VAV3: variants seen among roughly 807,000 people sequenced by gnomAD.
VAV3 encodes guanine nucleotide exchange factor VAV3.
In VAV3, 94 loss-of-function variants were observed where a neutral mutation model predicts 131.2. The ratio of observed to expected loss-of-function variants is 0.72; its 90% CI spans 0.61 to 0.85. The LOEUF (loss-of-function observed/expected upper bound fraction) is 0.85, where lower values mean the gene tolerates loss of function less well. Among genes scored for constraint, VAV3 ranks in the 40% least tolerant of loss-of-function variants. The pLI is 0.00. For synonymous variants in VAV3, 349 were observed against 342.0 expected (o/e 1.02, Z -0.22); for missense variants, 939 against 1,002.7 (o/e 0.94, Z 0.86).
At chr1:107,726,678 A>G (rs888745848) in intron 15 of VAV3, among the ~76,000 whole-genome samples, 19 of 152,364 alleles carry the variant, frequency 1.2e-4, no homozygotes, top group African/African-American at 4.6e-4. Context: ...GAATCAGCAT[A>G]GACTACCAAC....
At chr1:107,573,422 T>C (rs1649388586) in intron 26 of VAV3, 50 bp from the exon 27 acceptor site, 2 of 1,607,348 alleles carry the variant, frequency 1.2e-6, no homozygotes, top group Non-Finnish European at 1.7e-6. Flanking sequence ...TATCTGACAC[T>C]TCAAAGGATT....
intron 19 of VAV3, among the ~76,000 whole-genome samples, chr1:107,666,908 T>C (rs1444070415): frequency 6.6e-6 from 1 of 152,180 alleles, no homozygotes; most frequent in Non-Finnish European, 1.5e-5. Context: ...TGGTAAATAG[T>C]GAAGACTGCA....
intron 19 of VAV3, among the ~76,000 whole-genome samples, chr1:107,672,735 G>GA (rs1167558940): frequency 1.3e-5 from 2 of 151,840 alleles, no homozygotes; most frequent in Non-Finnish European, 2.9e-5. Context: ...ATAATTCTCA[G>GA]AAAAAAATAC....
At chr1:107,594,347 T>TACATA (rs1651201410) in intron 25 of VAV3, among the ~76,000 whole-genome samples, 1 of 152,122 alleles carries the variant, frequency 6.6e-6, no homozygotes, top group African/African-American at 2.4e-5. Flanking sequence ...GTGTTTAATA[T>TACATA]ATATCTGTTT....
intron 15 of VAV3, among the ~76,000 whole-genome samples, chr1:107,710,436 C>A (rs549056755): frequency 6.6e-6 from 1 of 152,252 alleles, no homozygotes; most frequent in East Asian, 1.9e-4. Flanking sequence ...AATGTATTCA[C>A]ACACATAGCT....
At chr1:107,781,796 A>C (rs1047519759) in intron 2 of VAV3, among the ~76,000 whole-genome samples, 2 of 152,224 alleles carry the variant, frequency 1.3e-5, no homozygotes, top group African/African-American at 4.8e-5. Context: ...AACCAATCAG[A>C]TAAAACTTGA....
intron 2 of VAV3, among the ~76,000 whole-genome samples, chr1:107,832,868 T>C (rs1038174402): frequency 6.6e-6 from 1 of 152,236 alleles, no homozygotes; most frequent in Non-Finnish European, 1.5e-5. Context: ...ACATTGTTAA[T>C]TGAATGCATT....
chr1:107,803,709 A>T (rs1666931346), intron 2 of VAV3, among the ~76,000 whole-genome samples: 1 of 152,250 alleles, frequency 6.6e-6, no homozygotes, highest in East Asian at 1.9e-4. Flanking sequence ...TAATGAAAAT[A>T]ATGTGTATTC....
At chr1:107,755,680 G>A (rs530195023) in intron 11 of VAV3, among the ~76,000 whole-genome samples, 167 bp from the exon 12 acceptor site, 1 of 152,188 alleles carries the variant, frequency 6.6e-6, no homozygotes, top group East Asian at 1.9e-4. Context: ...CATCACAGAG[G>A]CAATTTTAAA....
intron 2 of VAV3, among the ~76,000 whole-genome samples, chr1:107,868,137 G>A (rs1408611859): frequency 6.6e-6 from 1 of 152,094 alleles, no homozygotes; most frequent in African/African-American, 2.4e-5. Context: ...AGCTCCTGTG[G>A]GGCTTTGAAG....
chr1:107,764,542 C>T (rs1664627949), intron 9 of VAV3, among the ~76,000 whole-genome samples: 1 of 152,100 alleles, frequency 6.6e-6, no homozygotes, highest in Non-Finnish European at 1.5e-5. Flanking sequence ...GTTTTTGATA[C>T]AGGGTCTTGC....
intron 19 of VAV3, among the ~76,000 whole-genome samples, chr1:107,663,400 T>C (rs1001327222): frequency 6.6e-6 from 1 of 152,196 alleles, no homozygotes; most frequent in Non-Finnish European, 1.5e-5. Context: ...AGTATTCTAT[T>C]GGAAAGGCTT....
chr1:107,593,468 C>T (rs1651123508), intron 25 of VAV3, among the ~76,000 whole-genome samples: 2 of 152,094 alleles, frequency 1.3e-5, no homozygotes, highest in Admixed American at 6.6e-5. Flanking sequence ...CCAAGCTTTA[C>T]CTTGCCTGCT....
intron 25 of VAV3, among the ~76,000 whole-genome samples, chr1:107,578,190 T>G (rs57611993): frequency 0.032 from 4,833 of 152,314 alleles, 264 homozygotes; most frequent in African/African-American, 0.11. Flanking sequence ...ATATACACAC[T>G]GATGCATTAA....
At chr1:107,743,586 T>G (rs1663150002) in intron 15 of VAV3, among the ~76,000 whole-genome samples, 2 of 152,314 alleles carry the variant, frequency 1.3e-5, no homozygotes, top group South Asian at 4.1e-4. Flanking sequence ...CATTGTTATT[T>G]GCCCAGGGCT....
intron 24 of VAV3, among the ~76,000 whole-genome samples, chr1:107,598,314 CCA>C (rs1651556126): frequency 6.6e-6 from 1 of 152,088 alleles, no homozygotes; most frequent in Non-Finnish European, 1.5e-5. Context: ...CGAGACTTTG[CCA>C]CTGTACTCCA....
At chr1:107,737,398 T>C (rs1213050700) in intron 15 of VAV3, among the ~76,000 whole-genome samples, 3 of 152,156 alleles carry the variant, frequency 2.0e-5, no homozygotes, top group Non-Finnish European at 1.5e-5. Context: ...CAAAAGAAAC[T>C]GCCATCAGAG....
intron 19 of VAV3, among the ~76,000 whole-genome samples, chr1:107,671,139 T>C (rs558575624): frequency 2.6e-5 from 4 of 152,340 alleles, no homozygotes; most frequent in Middle Eastern, 3.4e-3. Context: ...TTTGTTTATC[T>C]AATCATGTTC....
chr1:107,826,268 T>G (rs1668008758), intron 2 of VAV3, among the ~76,000 whole-genome samples: 3 of 150,466 alleles, frequency 2.0e-5, no homozygotes, highest in Non-Finnish European at 3.0e-5. Context: ...AAGAATCATT[T>G]GCTCCATTAC....
Sources: gnomAD v4.1 joint callset for allele counts (sites outside exome capture counted in the v4.1 genomes callset) on GRCh38, gnomAD v4.1.1 for gene constraint, MANE v1.5 for transcripts, NCBI Gene and HGNC (gene_info 2026-07-23, HGNC 2026-07-21) for gene names.